PLEKHA5: variants seen among roughly 807,000 people sequenced by gnomAD.
The protein encoded by PLEKHA5 is pleckstrin homology domain containing A5, also known as pleckstrin homology domain-containing family A member 5.
A neutral mutation model predicts 181.9 loss-of-function variants in PLEKHA5; 55 were observed. The observed-to-expected ratio is 0.30, with a 90% CI of 0.24 to 0.38. The LOEUF (loss-of-function observed/expected upper bound fraction) is 0.38, where lower values mean the gene tolerates loss of function less well. Ranked by LOEUF, PLEKHA5 falls within the 10% of genes least tolerant of loss-of-function variation. The pLI is 1.00. For missense variants in PLEKHA5, 1,432 were observed against 1,549.5 expected (o/e 0.92, Z 1.27); for synonymous variants, 535 against 529.4 (o/e 1.01, Z -0.15).
At chr12:19,307,944 A>G (rs1381739918) in intron 15 of PLEKHA5, among the ~76,000 whole-genome samples, 2 of 151,448 alleles carry the variant, frequency 1.3e-5, no homozygotes, top group Non-Finnish European at 3.0e-5. Flanking sequence ...GAAGAAAGAT[A>G]AAGAGAGAAA....
In PLEKHA5 at chr12:19,257,558, T is replaced by G. The variant is rs747401209; in HGVS notation, c.537+21T>G. ...AACAGGTATTTTTTTTTTTTTGATA[T>G]GAAACAAAAGACAGAATTAGAAGGA... On this transcript the variant is annotated intron_variant, in intron 6 of 31. Transcript: ENST00000429027. 7 of 1,205,860 alleles carry G rather than the reference T, an allele frequency of 5.8e-6. No individual in the cohort carries two copies. The East Asian group carries it at 1.4e-4, about 24-fold the overall frequency. 74.7% of individuals were successfully genotyped at this position (1,205,860 alleles called of 1,614,324 possible).
Position 19,253,960 on chromosome 12 carries a change from C to A in PLEKHA5, c.248C>A (p.Thr83Asn). ...TTCAGCCATAATGAAAGGAAAGTGA[C>A]CTGCAAACATCCAGTCACAGGACAA... ...YYINHNERKVTCKHPVTGQPS... is the reference protein window; with the variant it reads ...YYINHNERKVNCKHPVTGQPS... Residue 83 changes from threonine (T) to asparagine (N), a missense_variant, in exon 4 of 32, where the codon ACC becomes AAC. This residue lies in a region of PLEKHA5 where 289 missense variants were observed against 381.1 expected (regional missense o/e 0.76). Coordinates refer to ENST00000429027, the MANE Select transcript of PLEKHA5 (RefSeq NM_001256470.2). The A allele has an allele frequency of 1.9e-6, 3 of 1,604,054 alleles. No individual in the cohort carries two copies. Among genetic ancestry groups the A allele is most frequent in the South Asian group, 1.1e-5 (1 of 89,478 alleles).
intron 3 of PLEKHA5, among the ~76,000 whole-genome samples, chr12:19,184,449 G>C (rs2049350308): frequency 6.6e-6 from 1 of 152,138 alleles, no homozygotes; most frequent in Non-Finnish European, 1.5e-5. Flanking sequence ...ATACAGCTAT[G>C]CCCTTGCTAG....
chr12:19,180,070 A>G (rs1275572092), intron 3 of PLEKHA5, among the ~76,000 whole-genome samples: 1 of 152,162 alleles, frequency 6.6e-6, no homozygotes, highest in African/African-American at 2.4e-5. Context: ...CTCAAAACAC[A>G]CACATGATTA....
At chr12:19,187,369 G>A (rs2050099401) in intron 3 of PLEKHA5, among the ~76,000 whole-genome samples, 1 of 152,156 alleles carries the variant, frequency 6.6e-6, no homozygotes, top group South Asian at 2.1e-4. Context: ...TTATGTAAGT[G>A]ACTTAGCTGG....
At chr12:19,205,436 G>A (rs964177008) in intron 3 of PLEKHA5, 4 of 946,262 alleles carry the variant, frequency 4.2e-6, no homozygotes, top group Non-Finnish European at 5.0e-6. Context: ...TTAGCAAAAG[G>A]CTATTTGGTG....
chr12:19,135,881 G>GTTT (rs71064059), intron 3 of PLEKHA5, among the ~76,000 whole-genome samples: 270 of 128,996 alleles, frequency 2.1e-3, no homozygotes, highest in Non-Finnish European at 3.8e-3. Flanking sequence ...ATCTTACTTT[G>GTTT]TTTTTTTTTT....
intron 3 of PLEKHA5, among the ~76,000 whole-genome samples, chr12:19,176,803 AAATATGT>A (rs1318620856): frequency 6.6e-6 from 1 of 152,074 alleles, no homozygotes; most frequent in Non-Finnish European, 1.5e-5. Context: ...TAATGTTTTG[AAATATGT>A]ATACACTGTG....
intron 11 of PLEKHA5, among the ~76,000 whole-genome samples, chr12:19,278,732 C>G (rs2075283743): frequency 6.6e-6 from 1 of 151,950 alleles, no homozygotes; most frequent in Non-Finnish European, 1.5e-5. Context: ...ATAGGAAATA[C>G]CCATGGAGGG....
At chr12:19,218,630 T>A (rs374607921) in intron 3 of PLEKHA5, among the ~76,000 whole-genome samples, 13 of 152,232 alleles carry the variant, frequency 8.5e-5, no homozygotes, top group East Asian at 7.7e-4. Context: ...CATAAAATAT[T>A]TTCTCTGTAA....
chr12:19,156,918 G>A (rs1225934070), intron 3 of PLEKHA5, among the ~76,000 whole-genome samples: 2 of 148,924 alleles, frequency 1.3e-5, no homozygotes, highest in Non-Finnish European at 1.5e-5. Flanking sequence ...AAAATTAGCT[G>A]GGCATGGTGG....
At chr12:19,220,397 TAAG>T (rs2058755383) in intron 3 of PLEKHA5, among the ~76,000 whole-genome samples, 6 of 152,100 alleles carry the variant, frequency 3.9e-5, no homozygotes, top group African/African-American at 1.4e-4. Flanking sequence ...TCTGCGTCAT[TAAG>T]TTTGACAGAG....
intron 15 of PLEKHA5, chr12:19,303,440 G>C (rs1022661556): frequency 6.6e-6 from 1 of 152,104 alleles, no homozygotes; most frequent in African/African-American, 2.4e-5. Flanking sequence ...AATTTCTCCA[G>C]AGATAGATTT....
chr12:19,178,308 C>A (rs537555443), intron 3 of PLEKHA5, among the ~76,000 whole-genome samples: 2 of 152,126 alleles, frequency 1.3e-5, no homozygotes, highest in Non-Finnish European at 2.9e-5. Context: ...ATTCATTATT[C>A]CCTAGGTAAA....
chr12:19,300,356 A>T (rs1039032537), intron 15 of PLEKHA5, among the ~76,000 whole-genome samples: 1 of 152,224 alleles, frequency 6.6e-6, no homozygotes, highest in Non-Finnish European at 1.5e-5. Flanking sequence ...AGCAAAGTGA[A>T]AACAAAATGT....
intron 3 of PLEKHA5, among the ~76,000 whole-genome samples, chr12:19,178,117 G>A (rs993836351): frequency 6.6e-6 from 1 of 152,052 alleles, no homozygotes; most frequent in Non-Finnish European, 1.5e-5. Context: ...CCCCACCCAC[G>A]TTTCAGAAAT....
At chr12:19,301,005 C>T (rs1280879843) in intron 15 of PLEKHA5, among the ~76,000 whole-genome samples, 1 of 150,116 alleles carries the variant, frequency 6.7e-6, no homozygotes, top group Non-Finnish European at 1.5e-5. Context: ...ACAAAATTAG[C>T]CTGGTGTGGT....
chr12:19,240,623 T>A (rs959759998), intron 3 of PLEKHA5, among the ~76,000 whole-genome samples: 1 of 149,356 alleles, frequency 6.7e-6, no homozygotes, highest in Non-Finnish European at 1.5e-5. Context: ...AATATTATTA[T>A]TATTAATTAT....
intron 3 of PLEKHA5, among the ~76,000 whole-genome samples, chr12:19,212,449 G>A (rs1477078187): frequency 6.6e-6 from 1 of 152,198 alleles, no homozygotes; most frequent in Non-Finnish European, 1.5e-5. Context: ...CAGAGGCCGA[G>A]GCGGGCTGAT....
Sources: allele counts gnomAD v4.1 joint callset (sites outside exome capture counted in the v4.1 genomes callset), GRCh38; gene constraint gnomAD v4.1.1; regional missense constraint gnomAD v4.1.1; transcripts MANE v1.5; gene names NCBI Gene and HGNC (gene_info 2026-07-23, HGNC 2026-07-21).